Variants in DNAAF9 observed in about 807,000 individuals in gnomAD.
DNAAF9 encodes the protein dynein axonemal assembly factor 9.
A neutral mutation model predicts 167.0 loss-of-function variants in DNAAF9; 90 were observed. The ratio of observed to expected loss-of-function variants is 0.54; its 90% CI spans 0.45 to 0.64. The LOEUF (loss-of-function observed/expected upper bound fraction) is 0.64. Among genes scored for constraint, DNAAF9 ranks in the 30% least tolerant of loss-of-function variants. The probability of loss-of-function intolerance (pLI) is 0.00; values close to 1 mark genes in which losing one functional copy is unlikely to be tolerated. For synonymous variants in DNAAF9, 491 were observed against 508.8 expected, an observed-to-expected ratio of 0.96 and a Z score of 0.47; for missense variants, 1,315 against 1,442.2, an observed-to-expected ratio of 0.91 and a Z score of 1.43.
In DNAAF9 at chr20:3,340,506, T is replaced by A; in HGVS notation, c.979A>T (p.Met327Leu). The A allele has an allele frequency of 7.3e-6, 10 of 1,363,780 alleles. No homozygotes were observed. The highest frequency in any genetic ancestry group is 9.7e-6 in the Non-Finnish European group (10 of 1,031,812). The allele number at this position is 1,363,780 out of a possible 1,614,324, so 84.5% of individuals were successfully genotyped here. ...TGPGGSFAKHMVAQCVSPKGP... is the reference protein window; with the variant it reads ...TGPGGSFAKHLVAQCVSPKGP... ...CACCAGGCAGTCCAGCCACTTACCATGTGCTTGGCAAAGCTCCCGCCGGGA... is the reference window on the plus strand; with the variant it reads ...CACCAGGCAGTCCAGCCACTTACCAAGTGCTTGGCAAAGCTCCCGCCGGGA... Residue 327 changes from methionine (M) to leucine (L), a missense_variant and splice_region_variant, in exon 10 of 37, where the codon ATG (methionine) becomes TTG (leucine). Around this residue, in one of 2 missense-constraint regions of DNAAF9, gnomAD observed 981 missense variants for 1,012.5 expected, o/e 0.97. Transcript: ENST00000252032.
intron 6 of DNAAF9, chr20:3,360,054 C>T (rs1185239030): frequency 6.6e-6 from 1 of 152,498 alleles, no homozygotes; most frequent in East Asian, 1.9e-4. Context: ...TTCAGCAGCA[C>T]ATATACTAAA....
At chr20:3,292,245 C>T (rs569138103) in intron 25 of DNAAF9, among the ~76,000 whole-genome samples, 1 of 152,222 alleles carries the variant, frequency 6.6e-6, no homozygotes, top group African/African-American at 2.4e-5. Context: ...GGTGATCCAC[C>T]TACCTCGACC....
intron 10 of DNAAF9, among the ~76,000 whole-genome samples, chr20:3,336,261 T>TG (rs1568612360): frequency 3.7e-4 from 52 of 142,130 alleles, no homozygotes; most frequent in African/African-American, 1.5e-3. Context: ...CGTTTTTGTT[T>TG]TTTTTTTTTT....
intron 29 of DNAAF9, among the ~76,000 whole-genome samples, chr20:3,274,744 A>G (rs184744157): frequency 4.9e-4 from 74 of 152,336 alleles, no homozygotes; most frequent in Non-Finnish European, 3.7e-4. Context: ...AGCACTGTCA[A>G]TTGAGCATCA....
At chr20:3,395,521 T>G (rs1041673461) in intron 1 of DNAAF9, among the ~76,000 whole-genome samples, 1 of 151,702 alleles carries the variant, frequency 6.6e-6, no homozygotes, top group Non-Finnish European at 1.5e-5. Flanking sequence ...CCTCAAGCAA[T>G]CCACCGCCTT....
chr20:3,313,858 C>G (rs1292557027), intron 20 of DNAAF9, among the ~76,000 whole-genome samples: 1 of 152,034 alleles, frequency 6.6e-6, no homozygotes, highest in African/African-American at 2.4e-5. Flanking sequence ...AGCCATGAGC[C>G]CAGAGCAAAC....
intron 31 of DNAAF9, among the ~76,000 whole-genome samples, chr20:3,262,603 TG>T (rs1350949814): frequency 1.3e-5 from 2 of 152,144 alleles, no homozygotes; most frequent in African/African-American, 2.4e-5. Context: ...TGGATTAGTC[TG>T]CCTCCAGGTG....
At chr20:3,391,859 G>T (rs773121399) in intron 1 of DNAAF9, among the ~76,000 whole-genome samples, 4 of 151,982 alleles carry the variant, frequency 2.6e-5, no homozygotes, top group Non-Finnish European at 4.4e-5. Context: ...GATTACAGGC[G>T]TGAGCCACCA....
At position 3,294,539 on chromosome 20, in the gene DNAAF9, T is replaced by C. The variant is rs762548948; in HGVS notation, c.2109A>G (p.Pro703=). Residue 703 remains proline (P), a synonymous_variant, in exon 24 of 37, where the codon CCA becomes CCG. Coordinates refer to ENST00000252032, the MANE Select transcript of DNAAF9 (RefSeq NM_001009984.3). ...GAACCAGAGCTTACCAGTCCAGCTC[T>C]GGGAGTTTGGCTGAGAGTAACTTTA... is the stretch of plus-strand genomic sequence containing the variant. ...SSLKLLSAKL[P]ELDWFLQHFA... The C allele has an allele frequency of 5.7e-5, 92 of 1,608,602 alleles. No homozygotes were observed. The highest frequency in any genetic ancestry group is 7.7e-5 in the Non-Finnish European group (90 of 1,175,000).
intron 10 of DNAAF9, 48 bp downstream of exon 10, chr20:3,340,456 C>CCCCCCTA: frequency 8.7e-7 from 1 of 1,152,354 alleles, no homozygotes; most frequent in South Asian, 2.0e-5. Context: ...CCCACCCCCA[C>CCCCCCTA]AACTTGATAA....
chr20:3,380,591 C>A (rs969260663), intron 3 of DNAAF9, among the ~76,000 whole-genome samples: 1 of 152,174 alleles, frequency 6.6e-6, no homozygotes, highest in Non-Finnish European at 1.5e-5. Flanking sequence ...CCAAATGTCC[C>A]CTGCAGGACA....
intron 30 of DNAAF9, among the ~76,000 whole-genome samples, chr20:3,265,474 G>GA (rs2068472349): frequency 1.3e-5 from 2 of 150,316 alleles, no homozygotes; most frequent in Admixed American, 6.6e-5. Flanking sequence ...GGCCGAGGCA[G>GA]GAGAATCACT....
At chr20:3,310,680 G>A (rs1227716501) in intron 20 of DNAAF9, among the ~76,000 whole-genome samples, 2 of 142,872 alleles carry the variant, frequency 1.4e-5, no homozygotes, top group African/African-American at 5.4e-5. Flanking sequence ...GTGAGACTTA[G>A]TCTCAAGAAA....
chr20:3,397,856 T>C (rs1186513443), intron 1 of DNAAF9, among the ~76,000 whole-genome samples: 1 of 152,204 alleles, frequency 6.6e-6, no homozygotes, highest in African/African-American at 2.4e-5. Flanking sequence ...AGATTCAATA[T>C]ACTATTGTTT....
chr20:3,382,977 A>G (rs1325515067), intron 1 of DNAAF9, among the ~76,000 whole-genome samples: 1 of 152,198 alleles, frequency 6.6e-6, no homozygotes, highest in East Asian at 1.9e-4. Context: ...ACAAAGCTCT[A>G]ATTCATCCTC....
intron 12 of DNAAF9, 87 bp downstream of exon 12, chr20:3,330,559 A>G (rs1305411889): frequency 3.7e-6 from 3 of 804,816 alleles, no homozygotes; most frequent in Admixed American, 4.4e-5. Context: ...TGTCTTAATC[A>G]CTGTTGATCT....
chr20:3,355,889 CT>C (rs147977227), intron 7 of DNAAF9, among the ~76,000 whole-genome samples: 15 of 145,884 alleles, frequency 1.0e-4, no homozygotes, highest in South Asian at 2.2e-4. Flanking sequence ...GCTAATTTCT[CT>C]TTTTTTTTTC....
intron 1 of DNAAF9, among the ~76,000 whole-genome samples, chr20:3,391,341 T>C (rs2083822814): frequency 6.6e-6 from 1 of 152,148 alleles, no homozygotes; most frequent in Non-Finnish European, 1.5e-5. Context: ...CTAGTAAGTA[T>C]TAAAAAACCC....
rs1303726837 is a variant in DNAAF9, at chr20:3,287,614, G to A, written c.2486+18C>T. On this transcript the variant is annotated intron_variant, in intron 27 of 36. Transcript: ENST00000252032. ...ATCACCCTGATTCGACTGTTTCCAGGAGACTTCCAATGCTCACCCTTGTAA... is the reference window on the plus strand; with the variant it reads ...ATCACCCTGATTCGACTGTTTCCAGAAGACTTCCAATGCTCACCCTTGTAA... 4 of 1,613,246 alleles carry A rather than the reference G, an allele frequency of 2.5e-6. No homozygotes were observed. The highest frequency in any genetic ancestry group is 1.3e-5 in the African/African-American group (1 of 74,920).
Sources: gnomAD v4.1 joint callset for allele counts (sites outside exome capture counted in the v4.1 genomes callset) on GRCh38, gnomAD v4.1.1 for gene constraint, gnomAD v4.1.1 regional missense constraint, MANE v1.5 for transcripts, NCBI Gene and HGNC (gene_info 2026-07-23, HGNC 2026-07-21) for gene names.